Variants in GALM observed in about 807,000 individuals in gnomAD.
GALM encodes aldose 1-epimerase.
A neutral mutation model predicts 37.4 loss-of-function variants in GALM; 43 were observed. That is an observed-to-expected ratio of 1.15 (90% confidence interval 0.90 to 1.48). The LOEUF (loss-of-function observed/expected upper bound fraction) is 1.48, where lower values mean the gene tolerates loss of function less well. Among genes scored for constraint, GALM ranks in the 40% most tolerant of loss-of-function variants. The pLI is 0.00. For missense variants in GALM, 456 were observed against 419.1 expected (o/e 1.09, Z -0.77); for synonymous variants, 199 against 170.6 (o/e 1.17, Z -1.30).
chr2:38,701,737 C>CTCT (rs1406515498), intron 4 of GALM, among the ~76,000 whole-genome samples: 1 of 152,188 alleles, frequency 6.6e-6, no homozygotes, highest in Admixed American at 6.6e-5. Flanking sequence ...AGGTCTCTAT[C>CTCT]TCTGCCTTGG....
intron 4 of GALM, among the ~76,000 whole-genome samples, chr2:38,716,724 G>C (rs189540761): frequency 6.6e-6 from 1 of 152,282 alleles, no homozygotes; most frequent in African/African-American, 2.4e-5. Flanking sequence ...TGTGCTTGTA[G>C]TCCCAGCTAC....
intron 4 of GALM, among the ~76,000 whole-genome samples, chr2:38,708,107 AAAATT>A (rs369788773): frequency 0.12 from 8,566 of 73,906 alleles, 758 homozygotes; most frequent in African/African-American, 0.24. Context: ...AAACTGTATC[AAAATT>A]AAAATAAAAT....
At chr2:38,667,940 C>G (rs549642749) in intron 1 of GALM, among the ~76,000 whole-genome samples, 1 of 152,180 alleles carries the variant, frequency 6.6e-6, no homozygotes, top group Non-Finnish European at 1.5e-5. Flanking sequence ...GCCCCATACC[C>G]GGAGGAAGAA....
At chr2:38,726,393 A>AT (rs1666487123) in intron 4 of GALM, among the ~76,000 whole-genome samples, 1 of 150,630 alleles carries the variant, frequency 6.6e-6, no homozygotes, top group South Asian at 2.1e-4. Flanking sequence ...CGCCCGGCTA[A>AT]TTTTTTGTAT....
At chr2:38,671,954 C>T (rs974102841) in intron 1 of GALM, among the ~76,000 whole-genome samples, 3 of 151,942 alleles carry the variant, frequency 2.0e-5, no homozygotes, top group Non-Finnish European at 2.9e-5. Context: ...CCACTGCACT[C>T]CAGCCTAGGT....
In GALM at chr2:38,733,702, C is replaced by T. The variant is rs1310058822; in HGVS notation, c.*137C>T. ...TACAAATGGTGGCTGTTCTGAGAAT[C>T]AGTCTGGGTATTGATTTCCTTTTCC... On this transcript the variant is annotated 3_prime_UTR_variant, in exon 7 of 7. Coordinates refer to ENST00000272252, the MANE Select transcript of GALM (RefSeq NM_138801.3). The T allele has an allele frequency of 9.7e-6, 7 of 718,504 alleles. No homozygotes were observed. The East Asian group carries it at 2.0e-4, about 20-fold the overall frequency. The allele number at this position is 718,504 out of a possible 1,614,324, so 44.5% of individuals were successfully genotyped here.
intron 1 of GALM, among the ~76,000 whole-genome samples, chr2:38,673,482 C>T (rs1264800053): frequency 2.0e-5 from 3 of 152,190 alleles, no homozygotes; most frequent in East Asian, 1.9e-4. Context: ...AGTATGAGGA[C>T]GCTACTTTGC....
chr2:38,732,028 T>C, intron 6 of GALM, 119 bp downstream of exon 6: 1 of 925,936 alleles, frequency 1.1e-6, no homozygotes, highest in South Asian at 1.7e-5. Flanking sequence ...GTTTGTTTGG[T>C]TTGTTTTTTG....
intron 4 of GALM, among the ~76,000 whole-genome samples, chr2:38,715,043 G>A (rs1026215496): frequency 3.3e-5 from 5 of 152,072 alleles, no homozygotes; most frequent in African/African-American, 1.2e-4. Flanking sequence ...AGTTCTTCAG[G>A]GTTGGGTGAA....
At chr2:38,670,117 G>A (rs1347833094) in intron 1 of GALM, among the ~76,000 whole-genome samples, 1 of 151,890 alleles carries the variant, frequency 6.6e-6, no homozygotes, top group African/African-American at 2.4e-5. Context: ...ACCTACCTCA[G>A]CCTCCTAAAG....
intron 4 of GALM, among the ~76,000 whole-genome samples, chr2:38,716,354 C>T (rs1666270968): frequency 1.3e-5 from 2 of 152,196 alleles, no homozygotes; most frequent in Non-Finnish European, 2.9e-5. Flanking sequence ...TGCCACATTG[C>T]TATGGGAGGA....
At chr2:38,684,243 T>C (rs59778380) in intron 3 of GALM, among the ~76,000 whole-genome samples, 5,044 of 152,130 alleles carry the variant, frequency 0.033, 275 homozygotes, top group African/African-American at 0.12. Context: ...GTTGGAGACC[T>C]GGGGAGGAGG....
chr2:38,723,894 G>C (rs1037171047), intron 4 of GALM, among the ~76,000 whole-genome samples: 1 of 152,138 alleles, frequency 6.6e-6, no homozygotes, highest in East Asian at 1.9e-4. Flanking sequence ...CACCTAGGCT[G>C]TGTGTGCACT....
chr2:38,733,629 A>C lies in GALM; in HGVS notation c.*64A>C. 8.5e-7 allele frequency: 1 copy of C among 1,180,678 alleles called. No individual in the cohort carries two copies. The highest frequency in any genetic ancestry group is 1.3e-6 in the Non-Finnish European group (1 of 786,950). 73.1% of individuals were successfully genotyped at this position (1,180,678 alleles called of 1,614,324 possible). A position where few individuals can be genotyped will look rare whatever the true frequency, so the allele number is the denominator to read the frequency against. ...AGCCACCTGTCTCCTGTCCAGAAAA[A>C]AGGTGAAGATTAAGAAGCTTTCAGA... On this transcript the variant is annotated 3_prime_UTR_variant, in exon 7 of 7. Coordinates refer to ENST00000272252, the MANE Select transcript of GALM (RefSeq NM_138801.3).
At chr2:38,684,830 CA>C (rs202152372) in intron 3 of GALM, among the ~76,000 whole-genome samples, 1 of 151,816 alleles carries the variant, frequency 6.6e-6, no homozygotes, top group Non-Finnish European at 1.5e-5. Flanking sequence ...AACAAACAAA[CA>C]AAAAAACAAC....
intron 4 of GALM, among the ~76,000 whole-genome samples, chr2:38,704,302 G>A (rs112777273): frequency 0.096 from 14,494 of 151,714 alleles, 766 homozygotes; most frequent in Middle Eastern, 0.11. Flanking sequence ...GGGCTCACGC[G>A]GTCATCCCAC....
intron 1 of GALM, among the ~76,000 whole-genome samples, chr2:38,675,539 TTTTTTGTGTGTGTGTGTG>T (rs1463162771): frequency 2.4e-5 from 2 of 83,424 alleles, no homozygotes; most frequent in African/African-American, 5.6e-5. Flanking sequence ...TTTTTTTTTT[TTTTTTGTGTGTGTGTGTG>T]TGTGTGTGTG....
intron 4 of GALM, among the ~76,000 whole-genome samples, chr2:38,703,016 G>A (rs1665949365): frequency 9.3e-6 from 1 of 107,898 alleles, no homozygotes; most frequent in African/African-American, 3.6e-5. Flanking sequence ...TAGCTACTCA[G>A]GAGGCTGGGA....
intron 4 of GALM, among the ~76,000 whole-genome samples, chr2:38,723,271 G>T (rs1666420469): frequency 6.6e-6 from 1 of 152,250 alleles, no homozygotes; most frequent in Non-Finnish European, 1.5e-5. Flanking sequence ...AGCAGTTAGG[G>T]TACATAGCAC....
Sources: gnomAD v4.1 joint callset for allele counts (sites outside exome capture counted in the v4.1 genomes callset) on GRCh38, gnomAD v4.1.1 for gene constraint, MANE v1.5 for transcripts, NCBI Gene and HGNC (gene_info 2026-07-23, HGNC 2026-07-21) for gene names.